Variants in GPC5 observed in about 807,000 individuals in gnomAD.
GPC5 encodes the protein glypican 5, also known as glypican-5.
In GPC5, 47 loss-of-function variants were observed where a neutral mutation model predicts 53.9. The ratio of observed to expected loss-of-function variants is 0.87; its 90% CI spans 0.69 to 1.11. The LOEUF (loss-of-function observed/expected upper bound fraction) is 1.11, where lower values mean the gene tolerates loss of function less well. GPC5 is among the 50% of genes most tolerant of loss of function. The probability of loss-of-function intolerance (pLI) is 0.00; values close to 1 mark genes in which losing one functional copy is unlikely to be tolerated. For missense variants in GPC5, 748 were observed against 713.1 expected (o/e 1.05, Z -0.56); for synonymous variants, 286 against 263.3 (o/e 1.09, Z -0.84).
chr13:91,892,153 G>A (rs967233729), intron 5 of GPC5, among the ~76,000 whole-genome samples: 3 of 151,722 alleles, frequency 2.0e-5, no homozygotes, highest in Non-Finnish European at 4.4e-5. Flanking sequence ...AATATGACTG[G>A]TGACATATTA....
At chr13:91,794,256 C>T (rs2038014021) in intron 5 of GPC5, among the ~76,000 whole-genome samples, 2 of 152,154 alleles carry the variant, frequency 1.3e-5, no homozygotes, top group African/African-American at 4.8e-5. Context: ...ACTAGTGAGA[C>T]AGTAGAGGGC....
intron 7 of GPC5, among the ~76,000 whole-genome samples, chr13:92,176,656 C>T (rs1409798722): frequency 6.6e-6 from 1 of 152,086 alleles, no homozygotes; most frequent in African/African-American, 2.4e-5. Flanking sequence ...TCCATCTGAC[C>T]TCCAACCTTC....
intron 2 of GPC5, among the ~76,000 whole-genome samples, chr13:91,524,928 A>T (rs1453934919): frequency 6.6e-6 from 1 of 152,212 alleles, no homozygotes; most frequent in African/African-American, 2.4e-5. Flanking sequence ...ATCTTTTAAA[A>T]TGTTCCCTCT....
intron 6 of GPC5, among the ~76,000 whole-genome samples, chr13:91,981,663 A>G (rs1381319030): frequency 2.0e-5 from 3 of 152,346 alleles, no homozygotes; most frequent in Admixed American, 6.5e-5. Flanking sequence ...AACACTTGAC[A>G]TTGTGCTAGA....
At chr13:92,443,299 C>T (rs1234017369) in intron 7 of GPC5, among the ~76,000 whole-genome samples, 2 of 152,176 alleles carry the variant, frequency 1.3e-5, no homozygotes, top group Admixed American at 6.5e-5. Context: ...AAACACCTCC[C>T]ACCAGGCACC....
chr13:91,567,445 G>A (rs1045444342), intron 2 of GPC5, among the ~76,000 whole-genome samples: 3 of 152,158 alleles, frequency 2.0e-5, no homozygotes, highest in Admixed American at 1.3e-4. Context: ...AAAGGTTATA[G>A]CATTTCTGGG....
At chr13:92,137,059 G>T (rs1364627290) in intron 6 of GPC5, among the ~76,000 whole-genome samples, 5 of 147,122 alleles carry the variant, frequency 3.4e-5, no homozygotes, top group Admixed American at 6.8e-5. Flanking sequence ...TCCGAAAGTT[G>T]TTTTTTTTTT....
At chr13:92,344,769 G>T (rs1238006045) in intron 7 of GPC5, among the ~76,000 whole-genome samples, 1 of 152,078 alleles carries the variant, frequency 6.6e-6, no homozygotes, top group East Asian at 1.9e-4. Flanking sequence ...CAACAATGTG[G>T]GGCAGAAATA....
intron 4 of GPC5, among the ~76,000 whole-genome samples, chr13:91,742,235 G>A (rs2036950447): frequency 6.6e-6 from 1 of 152,100 alleles, no homozygotes; most frequent in Non-Finnish European, 1.5e-5. Context: ...AGAAGGCAGA[G>A]CAAACATATG....
intron 7 of GPC5, among the ~76,000 whole-genome samples, chr13:92,504,218 A>G (rs1418682096): frequency 6.6e-6 from 1 of 152,012 alleles, no homozygotes; most frequent in Non-Finnish European, 1.5e-5. Context: ...ACATTTCTCT[A>G]TAGAAGCGAA....
Position 91,560,752 on chromosome 13 carries a change from T to C in GPC5, c.325+111830T>C, listed in dbSNP as rs942326516. On this transcript the variant is annotated intron_variant, in intron 2 of 7. Coordinates refer to ENST00000377067, the MANE Select transcript of GPC5 (RefSeq NM_004466.6). ...CAACCCTATCACACATGTATTAATG[T>C]GATTTTTTTTAGGAAAAAAAATTAA... 2.3e-5 allele frequency among the ~76,000 whole-genome samples: 3 copies of C among 132,840 alleles called. No homozygotes were observed. In the East Asian group the frequency reaches 6.0e-4, roughly 26 times the overall value. 87.1% of individuals were successfully genotyped at this position (132,840 alleles called of 152,430 possible). A position where few individuals can be genotyped will look rare whatever the true frequency, so the allele number is the denominator to read the frequency against.
chr13:92,654,504 A>AG (rs1886061265), intron 7 of GPC5, among the ~76,000 whole-genome samples: 1 of 140,110 alleles, frequency 7.1e-6, no homozygotes. Context: ...ACCATATATC[A>AG]GAAAAAATAT....
chr13:92,523,253 T>G (rs1242489358), intron 7 of GPC5, among the ~76,000 whole-genome samples: 1 of 152,116 alleles, frequency 6.6e-6, no homozygotes, highest in African/African-American at 2.4e-5. Flanking sequence ...AAGTAACACC[T>G]TTTTTAAAAA....
chr13:91,898,310 T>C (rs1361086185), intron 5 of GPC5, among the ~76,000 whole-genome samples: 1 of 152,232 alleles, frequency 6.6e-6, no homozygotes, highest in East Asian at 1.9e-4. Context: ...AAATAGCTGC[T>C]GACAATATGC....
intron 6 of GPC5, chr13:92,060,045 T>TAAAA (rs2041109788): frequency 6.6e-6 from 1 of 152,018 alleles, no homozygotes; most frequent in Non-Finnish European, 1.5e-5. Flanking sequence ...GAGTTTTTCA[T>TAAAA]ATTTATGTTG....
At chr13:92,210,053 T>C (rs1001350185) in intron 7 of GPC5, among the ~76,000 whole-genome samples, 5 of 152,128 alleles carry the variant, frequency 3.3e-5, no homozygotes, top group Non-Finnish European at 7.4e-5. Flanking sequence ...CTGATTAGAT[T>C]GTGCCCACCC....
intron 7 of GPC5, among the ~76,000 whole-genome samples, chr13:92,865,451 T>C (rs533790562): frequency 6.6e-6 from 1 of 152,154 alleles, no homozygotes; most frequent in South Asian, 2.1e-4. Flanking sequence ...GAATCTAAAA[T>C]AGCTGAAGTC....
chr13:92,290,917 G>T (rs986376911), intron 7 of GPC5, among the ~76,000 whole-genome samples: 3 of 152,094 alleles, frequency 2.0e-5, no homozygotes, highest in African/African-American at 7.2e-5. Flanking sequence ...CCGGGGCTGC[G>T]CACAGTGCTT....
intron 3 of GPC5, among the ~76,000 whole-genome samples, chr13:91,718,117 G>GTTGTTT (rs1477936257): frequency 6.6e-6 from 1 of 151,758 alleles, no homozygotes; most frequent in Non-Finnish European, 1.5e-5. Flanking sequence ...TGTTGTTGTT[G>GTTGTTT]TTGTTGTTGT....
Sources: allele counts gnomAD v4.1 joint callset (sites outside exome capture counted in the v4.1 genomes callset), GRCh38; gene constraint gnomAD v4.1.1; transcripts MANE v1.5; gene names NCBI Gene and HGNC (gene_info 2026-07-23, HGNC 2026-07-21).